The following SLC10A7 variants were observed in gnomAD, a reference collection of about 807,000 sequenced individuals.
SLC10A7 encodes the protein solute carrier family 10 member 7, also known as sodium/bile acid cotransporter 7.
In SLC10A7, 29 loss-of-function variants were observed where a neutral mutation model predicts 43.2. The observed-to-expected ratio is 0.67, with a 90% CI of 0.50 to 0.92. The LOEUF (loss-of-function observed/expected upper bound fraction) is 0.92, where lower values mean the gene tolerates loss of function less well. SLC10A7 is among the 40% of genes least tolerant of loss of function. The pLI is 0.00. For missense variants in SLC10A7, 295 were observed against 403.2 expected, an observed-to-expected ratio of 0.73 and a Z score of 2.30; for synonymous variants, 152 against 144.8, an observed-to-expected ratio of 1.05 and a Z score of -0.35.
intron 10 of SLC10A7, among the ~76,000 whole-genome samples, chr4:146,270,260 C>A (rs2111045818): frequency 6.6e-6 from 1 of 152,246 alleles, no homozygotes; most frequent in Middle Eastern, 3.4e-3. Context: ...ATTTAAAAAA[C>A]CCTGGAAGTC....
In SLC10A7 at chr4:146,255,175, G is replaced by A. The variant is rs1727827731; in HGVS notation, c.*1316C>T. The A allele has an allele frequency of 6.6e-6, 1 of 152,542 alleles. No individual in the cohort carries two copies. 9.4% of individuals were successfully genotyped at this position (152,542 alleles called of 1,614,324 possible). On this transcript the variant is annotated 3_prime_UTR_variant, in exon 12 of 12. Transcript: ENST00000335472. ...GTAAGAGGATGTGACAGGACGGCAT[G>A]GGGGAAACACAGAAAAGTGTTCTCG...
chr4:146,326,317 T>C (rs557826720), intron 5 of SLC10A7, among the ~76,000 whole-genome samples: 4 of 152,300 alleles, frequency 2.6e-5, no homozygotes, highest in South Asian at 2.1e-4. Flanking sequence ...GCTTCCTCAC[T>C]CCAAGGCTTT....
intron 4 of SLC10A7, among the ~76,000 whole-genome samples, chr4:146,458,227 CAT>C (rs1420452045): frequency 6.6e-6 from 1 of 151,492 alleles, no homozygotes; most frequent in African/African-American, 2.4e-5. Flanking sequence ...AAGAAAAAAA[CAT>C]ATAATCATTT....
chr4:146,298,711 A>T (rs1156522516), intron 7 of SLC10A7, among the ~76,000 whole-genome samples: 1 of 152,230 alleles, frequency 6.6e-6, no homozygotes, highest in African/African-American at 2.4e-5. Flanking sequence ...GTTGGAAAAG[A>T]AGAGAAAATG....
intron 10 of SLC10A7, among the ~76,000 whole-genome samples, chr4:146,265,717 A>G (rs1373909929): frequency 6.6e-6 from 1 of 152,208 alleles, no homozygotes; most frequent in Non-Finnish European, 1.5e-5. Flanking sequence ...CCTATGTTGA[A>G]AAAGATAGGA....
At chr4:146,453,290 C>T (rs1037760720) in intron 4 of SLC10A7, among the ~76,000 whole-genome samples, 1 of 151,930 alleles carries the variant, frequency 6.6e-6, no homozygotes, top group Non-Finnish European at 1.5e-5. Flanking sequence ...GTGTCCTCTC[C>T]TCTTAAGAAA....
At chr4:146,519,112 T>TAA (rs796363964) in intron 1 of SLC10A7, among the ~76,000 whole-genome samples, 374 of 15,940 alleles carry the variant, frequency 0.023, 42 homozygotes, top group South Asian at 0.036. Context: ...TATATATATA[T>TAA]AATATAATAT....
chr4:146,327,907 G>A (rs1186681638), intron 5 of SLC10A7, among the ~76,000 whole-genome samples: 1 of 151,688 alleles, frequency 6.6e-6, no homozygotes, highest in African/African-American at 2.4e-5. Flanking sequence ...CTGAGGGTCT[G>A]GAGATCAATA....
intron 4 of SLC10A7, among the ~76,000 whole-genome samples, chr4:146,492,721 AAG>A (rs1285404990): frequency 6.6e-6 from 1 of 152,252 alleles, no homozygotes; most frequent in African/African-American, 2.4e-5. Flanking sequence ...TTAATATAAA[AAG>A]AGAATACGTT....
intron 5 of SLC10A7, among the ~76,000 whole-genome samples, chr4:146,345,635 T>C (rs1006658713): frequency 1.3e-5 from 2 of 152,126 alleles, no homozygotes. Flanking sequence ...AGATCTGCTT[T>C]ATGGCATGCA....
chr4:146,287,325 G>A (rs1487223372), intron 9 of SLC10A7, among the ~76,000 whole-genome samples: 3 of 152,150 alleles, frequency 2.0e-5, no homozygotes, highest in South Asian at 2.1e-4. Flanking sequence ...GTGAAGACAC[G>A]GCAGAGAGAA....
chr4:146,427,207 C>G (rs572261814), intron 5 of SLC10A7, among the ~76,000 whole-genome samples: 1 of 152,032 alleles, frequency 6.6e-6, no homozygotes, highest in African/African-American at 2.4e-5. Context: ...TGGTGTTGCA[C>G]GCCTGTGGTT....
At chr4:146,291,692 C>A (rs1228318913) in intron 9 of SLC10A7, among the ~76,000 whole-genome samples, 2 of 152,124 alleles carry the variant, frequency 1.3e-5, no homozygotes, top group Non-Finnish European at 1.5e-5. Flanking sequence ...CCACCAAGAA[C>A]TCCCTCTTGG....
At chr4:146,433,214 T>C (rs893919885) in intron 5 of SLC10A7, among the ~76,000 whole-genome samples, 2 of 143,248 alleles carry the variant, frequency 1.4e-5, no homozygotes, top group African/African-American at 5.2e-5. Flanking sequence ...CAGGCTGGAG[T>C]GCAGTGGCGT....
chr4:146,448,785 G>C (rs543308490), intron 4 of SLC10A7, among the ~76,000 whole-genome samples: 1 of 152,130 alleles, frequency 6.6e-6, no homozygotes, highest in Non-Finnish European at 1.5e-5. Context: ...CCAAACTTGG[G>C]AGAAGAATCC....
At chr4:146,270,481 G>A (rs59758996) in intron 10 of SLC10A7, among the ~76,000 whole-genome samples, 9,614 of 152,272 alleles carry the variant, frequency 0.063, 420 homozygotes, top group South Asian at 0.2. Context: ...TCTAAATGCA[G>A]TGGTTCTCAG....
intron 5 of SLC10A7, among the ~76,000 whole-genome samples, chr4:146,363,391 A>G (rs1736184918): frequency 6.6e-6 from 1 of 152,130 alleles, no homozygotes; most frequent in South Asian, 2.1e-4. Context: ...AAAGAGAGAG[A>G]GAGACCCAAT....
chr4:146,373,334 C>A (rs3899576), intron 5 of SLC10A7, among the ~76,000 whole-genome samples: 77,362 of 151,662 alleles, frequency 0.51, 20,059 homozygotes, highest in East Asian at 0.63. Flanking sequence ...ATTAGCCAGG[C>A]CTGGTGAAAC....
chr4:146,367,009 T>A (rs1736438520), intron 5 of SLC10A7, among the ~76,000 whole-genome samples: 1 of 152,054 alleles, frequency 6.6e-6, no homozygotes, highest in Non-Finnish European at 1.5e-5. Context: ...GTTTTTTTGT[T>A]TTTTTTTGTT....
Sources: gnomAD v4.1 joint callset for allele counts (sites outside exome capture counted in the v4.1 genomes callset) on GRCh38, gnomAD v4.1.1 for gene constraint, MANE v1.5 for transcripts, NCBI Gene and HGNC (gene_info 2026-07-23, HGNC 2026-07-21) for gene names.